The following MFHAS1 variants were observed in gnomAD, a reference collection of about 807,000 sequenced individuals.
MFHAS1 encodes the protein multifunctional ROCO family signaling regulator 1, also known as malignant fibrous histiocytoma-amplified sequence 1.
Under a neutral mutation model 70.4 loss-of-function variants are expected in MFHAS1, and 50 were observed. The observed-to-expected ratio is 0.71, with a 90% CI of 0.57 to 0.90. The LOEUF (loss-of-function observed/expected upper bound fraction) is 0.90, where lower values mean the gene tolerates loss of function less well. Ranked by LOEUF, MFHAS1 falls within the 40% of genes least tolerant of loss-of-function variation. The pLI, the probability that MFHAS1 is intolerant of heterozygous loss-of-function variation, is 0.00. For synonymous variants in MFHAS1, 952 were observed against 620.0 expected (o/e 1.54, Z -7.96); for missense variants, 1,795 against 1,347.6 (o/e 1.33, Z -5.20).
chr8:8,890,817 G>C lies in MFHAS1; in HGVS notation c.2242C>G (p.Leu748Val), dbSNP rs780184943. Residue 748 changes from leucine to valine, a missense_variant, in exon 1 of 3, where the codon CTG (leucine) becomes GTG (valine). Transcript: ENST00000276282. ...GTCCCTAGGAGCAGCTTATGCAGCA[G>C]CAAAGAGGGATCCCTCTGGAAGAAG... ...NVFFQRDPSL[L>V]LHKLLLGTSG... 2 of 1,614,228 alleles carry C rather than the reference G, an allele frequency of 1.2e-6. No homozygotes were observed. The highest frequency in any genetic ancestry group is 4.5e-5 in the East Asian group (2 of 44,892).
intron 2 of MFHAS1, 72 bp from the exon 3 acceptor site, chr8:8,786,127 A>G: frequency 7.5e-7 from 1 of 1,330,922 alleles, no homozygotes; most frequent in Non-Finnish European, 1.1e-6. Flanking sequence ...TCAATAAGAA[A>G]AGGAAGTGAT....
At chr8:8,796,002 G>C (rs766373898) in intron 2 of MFHAS1, among the ~76,000 whole-genome samples, 17 of 152,152 alleles carry the variant, frequency 1.1e-4, no homozygotes, top group Non-Finnish European at 2.5e-4. Context: ...TCTGACCCAA[G>C]AAGATCTGTG....
chr8:8,877,194 G>A (rs764990006), intron 1 of MFHAS1, among the ~76,000 whole-genome samples: 1 of 151,250 alleles, frequency 6.6e-6, no homozygotes, highest in Non-Finnish European at 1.5e-5. Flanking sequence ...CAACTACTGG[G>A]GAGGCTGAGG....
At chr8:8,883,197 G>C (rs1809597283) in intron 1 of MFHAS1, among the ~76,000 whole-genome samples, 1 of 152,042 alleles carries the variant, frequency 6.6e-6, no homozygotes, top group Non-Finnish European at 1.5e-5. Context: ...GAACCAGAGA[G>C]GACTGAGACC....
chr8:8,835,678 T>C lies in MFHAS1; in HGVS notation c.2999-38187A>G, dbSNP rs183601531. ...TCCTCAGGATTCCTGCCACTGAATA[T>C]GGTTTCAACTTAAAATTTTAAAAGA... On this transcript the variant is annotated intron_variant, in intron 1 of 2. Transcript: ENST00000276282. Among the ~76,000 whole-genome samples the C allele has an allele frequency of 1.8e-3, 271 of 152,364 alleles. 3 individuals are homozygous for C. The highest frequency in any genetic ancestry group is 6.1e-3 in the African/African-American group (252 of 41,590).
At chr8:8,840,129 C>G (rs1174655581) in intron 1 of MFHAS1, among the ~76,000 whole-genome samples, 1 of 152,154 alleles carries the variant, frequency 6.6e-6, no homozygotes, top group Non-Finnish European at 1.5e-5. Context: ...CTGCCACTAC[C>G]TCATTATTAG....
intron 1 of MFHAS1, among the ~76,000 whole-genome samples, chr8:8,860,892 T>C (rs1185936916): frequency 3.3e-5 from 5 of 152,232 alleles, no homozygotes; most frequent in Non-Finnish European, 7.3e-5. Context: ...TATTTATGTA[T>C]ACATACGTAT....
intron 1 of MFHAS1, among the ~76,000 whole-genome samples, chr8:8,819,064 T>G (rs1442876563): frequency 6.6e-6 from 1 of 152,180 alleles, no homozygotes; most frequent in Non-Finnish European, 1.5e-5. Context: ...AATAGAAGGC[T>G]GGCTAAATAA....
intron 1 of MFHAS1, among the ~76,000 whole-genome samples, chr8:8,860,577 G>T (rs538145164): frequency 3.6e-4 from 55 of 152,300 alleles, no homozygotes; most frequent in African/African-American, 1.3e-3. Flanking sequence ...CTGTGGTGCT[G>T]AGAGTGGCTC....
chr8:8,846,583 C>T (rs989225769), intron 1 of MFHAS1, among the ~76,000 whole-genome samples: 3 of 152,022 alleles, frequency 2.0e-5, no homozygotes, highest in Non-Finnish European at 4.4e-5. Context: ...CAGAATCTCC[C>T]CTCTGCTGCT....
Position 8,890,836 on chromosome 8 carries a change from GAAGA to G in MFHAS1, c.2219_2222del (p.Phe740SerfsTer14). On this transcript the variant is annotated frameshift_variant, in exon 1 of 3. Coordinates refer to ENST00000276282, the MANE Select transcript of MFHAS1 (RefSeq NM_004225.3). LOFTEE classifies it high-confidence loss of function. ...GCAGCAGCAAAGAGGGATCCCTCTG[GAAGA>G]AGACATTGAGGATGTCGATGAGGCG... is the stretch of plus-strand genomic sequence containing the variant. 6.2e-7 allele frequency: 1 copy of G among 1,614,230 alleles called. No individual in the cohort carries two copies. The highest frequency in any genetic ancestry group is 8.5e-7 in the Non-Finnish European group (1 of 1,180,042).
At chr8:8,857,920 C>T (rs1182488701) in intron 1 of MFHAS1, among the ~76,000 whole-genome samples, 1 of 152,192 alleles carries the variant, frequency 6.6e-6, no homozygotes, top group African/African-American at 2.4e-5. Context: ...ATACATTTTG[C>T]TATCAGGAAC....
intron 1 of MFHAS1, among the ~76,000 whole-genome samples, chr8:8,819,660 C>G (rs1236763107): frequency 1.3e-5 from 2 of 151,792 alleles, no homozygotes; most frequent in African/African-American, 4.8e-5. Context: ...GTGGCTGCCT[C>G]CAGAAAGGGA....
chr8:8,826,916 C>G (rs1427940883), intron 1 of MFHAS1, among the ~76,000 whole-genome samples: 1 of 152,234 alleles, frequency 6.6e-6, no homozygotes, highest in African/African-American at 2.4e-5. Context: ...AAGATGGCAT[C>G]TGAGGCAGGG....
rs145746046 is a variant in MFHAS1 at position 8,847,069 on chromosome 8, T to C, written c.2998+42992A>G. Among the ~76,000 whole-genome samples, 674 of 152,324 alleles carry C rather than the reference T, an allele frequency of 4.4e-3. 4 individuals are homozygous for C. Among genetic ancestry groups the C allele is most frequent in the African/African-American group, 0.015 (626 of 41,574 alleles). On this transcript the variant is annotated intron_variant, in intron 1 of 2. Coordinates refer to ENST00000276282, the MANE Select transcript of MFHAS1 (RefSeq NM_004225.3). ...AACACACTCAGAAAAACAATTGTCT[T>C]AGATTTTTCAGAGGAATCACCAAAA... is the stretch of plus-strand genomic sequence containing the variant.
intron 1 of MFHAS1, among the ~76,000 whole-genome samples, chr8:8,815,967 C>T (rs1806726668): frequency 6.6e-6 from 1 of 152,152 alleles, no homozygotes; most frequent in African/African-American, 2.4e-5. Context: ...AGACTACTAT[C>T]TAGGAAGGAA....
At chr8:8,872,273 T>C (rs138106947) in intron 1 of MFHAS1, among the ~76,000 whole-genome samples, 84 of 152,326 alleles carry the variant, frequency 5.5e-4, no homozygotes, top group Admixed American at 1.9e-3. Flanking sequence ...TTCTAATTCC[T>C]GATTCTTCCT....
intron 1 of MFHAS1, among the ~76,000 whole-genome samples, chr8:8,815,108 C>A (rs1014772883): frequency 6.6e-6 from 1 of 152,144 alleles, no homozygotes; most frequent in Non-Finnish European, 1.5e-5. Flanking sequence ...TGAGTGACAA[C>A]ATGCGGTGTT....
chr8:8,871,570 T>G (rs944255622), intron 1 of MFHAS1, among the ~76,000 whole-genome samples: 2 of 152,132 alleles, frequency 1.3e-5, no homozygotes, highest in Non-Finnish European at 2.9e-5. Flanking sequence ...AAAAACTACT[T>G]GGGGACTTGA....
Sources: gnomAD v4.1 joint callset for allele counts (sites outside exome capture counted in the v4.1 genomes callset) on GRCh38, gnomAD v4.1.1 for gene constraint, MANE v1.5 for transcripts, NCBI Gene and HGNC (gene_info 2026-07-23, HGNC 2026-07-21) for gene names.